Variants in MACROD2 observed in about 807,000 individuals in gnomAD.
MACROD2 encodes the protein mono-ADP ribosylhydrolase 2.
Under a neutral mutation model 70.4 loss-of-function variants are expected in MACROD2, and 36 were observed. The ratio of observed to expected loss-of-function variants is 0.51; its 90% CI spans 0.39 to 0.68. The LOEUF is 0.68. Ranked by LOEUF, MACROD2 falls within the 30% of genes least tolerant of loss-of-function variation. The pLI is 0.00. For missense variants in MACROD2, 496 were observed against 538.4 expected (o/e 0.92, Z 0.78); for synonymous variants, 172 against 178.8 (o/e 0.96, Z 0.30).
At chr20:14,367,715 C>T (rs2083285086) in intron 3 of MACROD2, among the ~76,000 whole-genome samples, 2 of 152,080 alleles carry the variant, frequency 1.3e-5, no homozygotes, top group African/African-American at 4.8e-5. Flanking sequence ...CCTTGGTTTC[C>T]AGTCATTTGA....
At chr20:14,521,900 A>G (rs1458768938) in intron 4 of MACROD2, among the ~76,000 whole-genome samples, 5 of 152,194 alleles carry the variant, frequency 3.3e-5, no homozygotes, top group Non-Finnish European at 7.3e-5. Flanking sequence ...CATTTCAGCA[A>G]TATGAGTTGA....
intron 6 of MACROD2, among the ~76,000 whole-genome samples, chr20:15,346,759 A>G (rs541621428): frequency 6.6e-6 from 1 of 152,222 alleles, no homozygotes; most frequent in African/African-American, 2.4e-5. Context: ...TTCAGAGGTT[A>G]ATAGGTTAAT....
At chr20:15,717,348 A>G (rs571639864) in intron 8 of MACROD2, among the ~76,000 whole-genome samples, 13 of 152,358 alleles carry the variant, frequency 8.5e-5, no homozygotes, top group Admixed American at 7.8e-4. Flanking sequence ...GAAGGAAATA[A>G]AACCATAAAC....
Position 14,848,839 on chromosome 20 carries a change from G to C in MACROD2, c.418+163880G>C, listed in dbSNP as rs567706217. 3.9e-4 allele frequency among the ~76,000 whole-genome samples: 59 copies of C among 152,228 alleles called. No homozygotes were observed. In the Middle Eastern group the frequency reaches 0.01, roughly 26 times the overall value. ...AAGGCAAACTGTTTACCTCTTGGGA[G>C]AGTTTGTGTACCTGAGGTTGTGCCG... On this transcript the variant is annotated intron_variant, in intron 5 of 17. Coordinates refer to ENST00000684519, the MANE Select transcript of MACROD2 (RefSeq NM_001351661.2).
chr20:14,038,856 C>T (rs1344498257), intron 2 of MACROD2, among the ~76,000 whole-genome samples: 1 of 151,902 alleles, frequency 6.6e-6, no homozygotes, highest in Non-Finnish European at 1.5e-5. Context: ...TGTAATTCTG[C>T]TTGTTTCCAT....
At chr20:15,414,367 C>A (rs555434084) in intron 6 of MACROD2, among the ~76,000 whole-genome samples, 136 of 152,182 alleles carry the variant, frequency 8.9e-4, no homozygotes, top group Non-Finnish European at 1.8e-3. Context: ...TTCATTTTAA[C>A]CAGATCCTCT....
chr20:14,664,094 ATTC>A (rs1176400335), intron 4 of MACROD2, among the ~76,000 whole-genome samples: 2 of 152,076 alleles, frequency 1.3e-5, no homozygotes, highest in Non-Finnish European at 2.9e-5. Flanking sequence ...TAATTTTGAA[ATTC>A]TTCTTTTCCA....
chr20:15,198,734 C>T (rs888886495), intron 5 of MACROD2, among the ~76,000 whole-genome samples: 2 of 151,988 alleles, frequency 1.3e-5, no homozygotes, highest in Non-Finnish European at 2.9e-5. Context: ...CCTGTGAGGG[C>T]AATTTTTATG....
intron 3 of MACROD2, chr20:14,325,039 C>CA (rs1425683520): frequency 6.6e-6 from 1 of 152,374 alleles, no homozygotes; most frequent in Admixed American, 6.6e-5. Flanking sequence ...TGGGATAATA[C>CA]AAATTTAATA....
intron 12 of MACROD2, among the ~76,000 whole-genome samples, chr20:15,963,623 C>A (rs2066096369): frequency 6.6e-6 from 1 of 151,142 alleles, no homozygotes. Context: ...GCTAATTCCT[C>A]AAAACTGGTC....
intron 4 of MACROD2, among the ~76,000 whole-genome samples, chr20:14,616,272 A>G (rs753528621): frequency 5.9e-5 from 9 of 152,108 alleles, no homozygotes; most frequent in Non-Finnish European, 1.3e-4. Context: ...TTTGTTCTAA[A>G]AATGCTAGTC....
At chr20:15,047,825 A>C (rs1356830641) in intron 5 of MACROD2, among the ~76,000 whole-genome samples, 1 of 152,108 alleles carries the variant, frequency 6.6e-6, no homozygotes, top group Non-Finnish European at 1.5e-5. Context: ...CTTTTATTAC[A>C]ATGTGATGAG....
intron 5 of MACROD2, among the ~76,000 whole-genome samples, chr20:15,138,730 A>G (rs1210624124): frequency 6.6e-6 from 1 of 152,174 alleles, no homozygotes; most frequent in Non-Finnish European, 1.5e-5. Flanking sequence ...ACTTGACATA[A>G]TTTGCATAAA....
At chr20:14,261,213 T>C (rs141780876) in intron 3 of MACROD2, among the ~76,000 whole-genome samples, 1 of 152,192 alleles carries the variant, frequency 6.6e-6, no homozygotes, top group African/African-American at 2.4e-5. Flanking sequence ...AAGGGGAAGC[T>C]ATTGTCAAGT....
At chr20:16,005,734 T>C (rs891149990) in intron 15 of MACROD2, among the ~76,000 whole-genome samples, 16 of 152,354 alleles carry the variant, frequency 1.1e-4, no homozygotes, top group African/African-American at 3.8e-4. Context: ...CTTCGCTTAT[T>C]CACCAAGCAC....
At chr20:14,784,135 G>A (rs1264637837) in intron 5 of MACROD2, among the ~76,000 whole-genome samples, 2 of 152,104 alleles carry the variant, frequency 1.3e-5, no homozygotes, top group Non-Finnish European at 2.9e-5. Context: ...ACATTGCGTA[G>A]ACTGGATATT....
intron 4 of MACROD2, among the ~76,000 whole-genome samples, chr20:14,509,404 C>T (rs1248797612): frequency 6.6e-6 from 1 of 151,922 alleles, no homozygotes; most frequent in Non-Finnish European, 1.5e-5. Context: ...CCTAGATATA[C>T]AAAGATGAAT....
In MACROD2 at chr20:14,946,199, C is replaced by CAAA. The variant is rs113847000; in HGVS notation, c.418+261251_418+261253dup. On this transcript the variant is annotated intron_variant, in intron 5 of 17. Transcript: ENST00000684519. Reference sequence around the variant, plus strand: ...GGGTGACAAGAACAAAACTCTGTCTCAAAAAAAAAAAAATTGTATAAACTG... The same window carrying CAAA: ...GGGTGACAAGAACAAAACTCTGTCTCAAAAAAAAAAAAAAAATTGTATAAACTG... Among the ~76,000 whole-genome samples the CAAA allele has an allele frequency of 4.1e-3, 593 of 143,092 alleles. 21 individuals are homozygous for CAAA. The East Asian group carries it at 0.051, about 12-fold the overall frequency. 93.9% of individuals were successfully genotyped at this position (143,092 alleles called of 152,430 possible). A position where few individuals can be genotyped will look rare whatever the true frequency, so the allele number is the denominator to read the frequency against.
Position 14,634,961 on chromosome 20 carries a change from C to A in MACROD2, c.302-49882C>A, listed in dbSNP as rs150033824. Among the ~76,000 whole-genome samples the A allele has an allele frequency of 2.9e-3, 443 of 152,262 alleles. 2 individuals are homozygous for A. The highest frequency in any genetic ancestry group is 0.014 in the Middle Eastern group (4 of 294). ...CTGCAGGGAGAACTTTTGTTCTAGT[C>A]TTCTTTGCCAGAGAGAACTCTGGGG... On this transcript the variant is annotated intron_variant, in intron 4 of 17. Transcript: ENST00000684519.
Sources: allele counts gnomAD v4.1 joint callset (sites outside exome capture counted in the v4.1 genomes callset), GRCh38; gene constraint gnomAD v4.1.1; transcripts MANE v1.5; gene names NCBI Gene and HGNC (gene_info 2026-07-23, HGNC 2026-07-21).